The following KCNS1 variants were observed in gnomAD, a reference collection of about 807,000 sequenced individuals.
KCNS1 encodes the protein potassium voltage-gated channel modifier subfamily S member 1.
KCNS1 carries 26 observed loss-of-function variants against 33.1 expected under a neutral mutation model. The ratio of observed to expected loss-of-function variants is 0.79; its 90% CI spans 0.58 to 1.09. The LOEUF (loss-of-function observed/expected upper bound fraction) is 1.09, where lower values mean the gene tolerates loss of function less well. KCNS1 is among the 50% of genes least tolerant of loss of function. The pLI, the probability that KCNS1 is intolerant of heterozygous loss-of-function variation, is 0.00. For synonymous variants in KCNS1, 299 were observed against 338.8 expected (o/e 0.88, Z 1.29); for missense variants, 702 against 752.4 (o/e 0.93, Z 0.78).
chr20:45,092,406 T>C lies in KCNS1; in HGVS notation c.*2464A>G, dbSNP rs1487348699. ...GCCAGGACCACAAACAGCCTCATGG[T>C]AGGCTCAGGCCAGATGATTCCCTCT... On this transcript the variant is annotated 3_prime_UTR_variant, in exon 4 of 4. Coordinates refer to ENST00000537075, the MANE Select transcript of KCNS1 (RefSeq NM_001322799.2). The C allele has an allele frequency of 6.6e-6, 1 of 152,240 alleles. No homozygotes were observed. Among genetic ancestry groups the C allele is most frequent in the African/African-American group, 2.4e-5 (1 of 41,442 alleles). 9.4% of individuals were successfully genotyped at this position (152,240 alleles called of 1,614,324 possible).
In KCNS1 at chr20:45,094,593, A is replaced by G; in HGVS notation, c.*277T>C. 2.6e-6 allele frequency: 1 copy of G among 383,176 alleles called. No homozygotes were observed. The highest frequency in any genetic ancestry group is 4.8e-5 in the East Asian group (1 of 20,778). 23.7% of individuals were successfully genotyped at this position (383,176 alleles called of 1,614,324 possible). A position where few individuals can be genotyped will look rare whatever the true frequency, so the allele number is the denominator to read the frequency against. ...GTTCATGTACAGGAGGTGCTCAGGA[A>G]TCATTAGTATCCTTTCAACTTCCTC... is the stretch of plus-strand genomic sequence containing the variant. On this transcript the variant is annotated 3_prime_UTR_variant, in exon 4 of 4. Coordinates refer to ENST00000537075, the MANE Select transcript of KCNS1 (RefSeq NM_001322799.2).
chr20:45,095,898 G>A (rs563286866), intron 3 of KCNS1, among the ~76,000 whole-genome samples: 20 of 124,676 alleles, frequency 1.6e-4, no homozygotes, highest in South Asian at 2.8e-4. Flanking sequence ...CCACCTCCCC[G>A]CCTCCACCCC....
At chr20:45,096,521 C>A (rs1214433755) in intron 3 of KCNS1, among the ~76,000 whole-genome samples, 2 of 152,176 alleles carry the variant, frequency 1.3e-5, no homozygotes, top group East Asian at 3.8e-4. Context: ...ATCCTGAGGG[C>A]ATACAAGAGG....
Position 45,098,734 on chromosome 20 carries a change from C to T in KCNS1, c.77-39G>A, listed in dbSNP as rs775018492. ...AAGGGCGCGCTGAGGAGTTCCCGGG[C>T]TTCCCTTCCTGGAAGACCAGGTTAA... On this transcript the variant is annotated intron_variant, in intron 2 of 3. Coordinates refer to ENST00000537075, the MANE Select transcript of KCNS1 (RefSeq NM_001322799.2). The surrounding 1 kb of genome is among the most constrained non-coding windows in gnomAD (Gnocchi z 5.2). The T allele has an allele frequency of 1.5e-6, 2 of 1,333,530 alleles. No homozygotes were observed. Among genetic ancestry groups the T allele is most frequent in the South Asian group, 2.1e-5 (1 of 47,926 alleles). The allele number at this position is 1,333,530 out of a possible 1,614,324, so 82.6% of individuals were successfully genotyped here. A position where few individuals can be genotyped will look rare whatever the true frequency, so the allele number is the denominator to read the frequency against.
At chr20:45,097,566 T>C in intron 3 of KCNS1, 96 bp downstream of exon 3, 1 of 1,261,388 alleles carries the variant, frequency 7.9e-7, no homozygotes, top group East Asian at 2.5e-5. Flanking sequence ...AGTTGAACGT[T>C]AAGCCTGGAC....
rs1465080161 is a variant in KCNS1 at position 45,094,826 on chromosome 20, A to G, written c.*44T>C. 2 of 1,451,408 alleles carry G rather than the reference A, an allele frequency of 1.4e-6. No individual in the cohort carries two copies. The highest frequency in any genetic ancestry group is 9.5e-7 in the Non-Finnish European group (1 of 1,056,038). 89.9% of individuals were successfully genotyped at this position (1,451,408 alleles called of 1,614,324 possible). On this transcript the variant is annotated 3_prime_UTR_variant, in exon 4 of 4. Transcript: ENST00000537075. The stretch of plus-strand genomic sequence containing the variant: ...CATGAAGAACTTTAGCAGGGGAGGA[A>G]TCTCTACTGTAGGGGCATGGCAGGG...
Position 45,098,170 on chromosome 20 carries a change from C to G in KCNS1, c.602G>C (p.Arg201Pro). Residue 201 changes from arginine (R) to proline (P), a missense_variant, in exon 3 of 4, where the codon CGC becomes CCC. Physicochemically the swap from Arg to Pro is moderately radical, Grantham distance 103. Coordinates refer to ENST00000537075, the MANE Select transcript of KCNS1 (RefSeq NM_001322799.2). The surrounding 1 kb of genome is among the most constrained non-coding windows in gnomAD (Gnocchi z 5.2). ...LARYGAARCG[R>P]LRRRLWLTME... ...GGTCAGCCAGAGGCGGCGGCGCAGG[C>G]GGCCACAGCGCGCCGCGCCATAGCG... The G allele has an allele frequency of 6.2e-7, 1 of 1,600,620 alleles. No individual in the cohort carries two copies. Among genetic ancestry groups the G allele is most frequent in the Non-Finnish European group, 8.5e-7 (1 of 1,175,006 alleles).
Position 45,098,417 on chromosome 20 carries a change from G to A in KCNS1, c.355C>T (p.Arg119Cys). ...GFFLSLLHFY[R>C]TGHLHVLDEL... ...TCGAGCACGTGCAGGTGGCCAGTGC[G>A]GTAGAAGTGCAGCAGGCTCAGGAAG... The change falls in exon 3 of 4, where the codon CGC (arginine) becomes TGC (cysteine). Residue 119 changes from arginine to cysteine, a missense_variant. Arg to Cys is a radical substitution (Grantham distance 180, BLOSUM62 -3). This residue lies in a region of KCNS1 where 374 missense variants were observed against 352.3 expected (regional missense o/e 1.06). Transcript: ENST00000537075. This position sits in a 1 kb window ranked among gnomAD's most constrained non-coding sequence, Gnocchi z 5.2. 10 of 1,596,936 alleles carry A rather than the reference G, an allele frequency of 6.3e-6. No homozygotes were observed. Among genetic ancestry groups the A allele is most frequent in the Non-Finnish European group, 8.5e-6 (10 of 1,172,346 alleles).
Position 45,095,015 on chromosome 20 carries a change from T to A in KCNS1, c.1436A>T (p.His479Leu). 6.2e-7 allele frequency: 1 copy of A among 1,613,756 alleles called. No individual in the cohort carries two copies. Among genetic ancestry groups the A allele is most frequent in the Non-Finnish European group, 8.5e-7 (1 of 1,179,948 alleles). ...ALEAAVRNSN[H>L]QEFEDLLSSI... Reference sequence around the variant, plus strand: ...GCTCAGCAAGTCCTCAAACTCTTGGTGGTTGCTGTTGCGCACGGCTGCCTC... The same window carrying A: ...GCTCAGCAAGTCCTCAAACTCTTGGAGGTTGCTGTTGCGCACGGCTGCCTC... The change falls in exon 4 of 4, where the codon CAC becomes CTC. Residue 479 changes from histidine to leucine, a missense_variant. Physicochemically the swap from His to Leu is moderately conservative, Grantham distance 99. Around this residue, in one of 3 missense-constraint regions of KCNS1, gnomAD observed 75 missense variants for 72.7 expected, o/e 1.03. Coordinates refer to ENST00000537075, the MANE Select transcript of KCNS1 (RefSeq NM_001322799.2).
chr20:45,096,315 A>G (rs1473274033), intron 3 of KCNS1, among the ~76,000 whole-genome samples: 1 of 152,166 alleles, frequency 6.6e-6, no homozygotes, highest in Non-Finnish European at 1.5e-5. Context: ...TCTGATTAGT[A>G]ATACTCTTCT....
At chr20:45,099,418 C>T (rs1981325173) in intron 1 of KCNS1, among the ~76,000 whole-genome samples, 179 bp from the exon 2 acceptor site, 1 of 152,204 alleles carries the variant, frequency 6.6e-6, no homozygotes, top group Non-Finnish European at 1.5e-5. Context: ...TCAGCCAGAC[C>T]TGACCTTGAA....
chr20:45,098,322 C>A lies in KCNS1; in HGVS notation c.450G>T (p.Ala150=), dbSNP rs1981273970. 3 of 1,571,408 alleles carry A rather than the reference C, an allele frequency of 1.9e-6. No homozygotes were observed. The highest frequency in any genetic ancestry group is 2.6e-6 in the Non-Finnish European group (3 of 1,160,238). The stretch of plus-strand genomic sequence containing the variant: ...TCTCCAGGTAGCGCGCGCGGCAGCA[C>A]GCGGCAAGCGCGTTCTCGCCTAGGC... ...YWGLGENALA[A]CCRARYLERR... The change falls in exon 3 of 4, where the codon GCG becomes GCT. Residue 150 remains alanine, a synonymous_variant. Transcript: ENST00000537075. The surrounding 1 kb of genome is among the most constrained non-coding windows in gnomAD (Gnocchi z 5.2).
Position 45,098,310 on chromosome 20 carries a change from C to T in KCNS1, c.462G>A (p.Ala154=). 1.3e-6 allele frequency: 2 copies of T among 1,575,636 alleles called. No homozygotes were observed. Among genetic ancestry groups the T allele is most frequent in the Non-Finnish European group, 1.7e-6 (2 of 1,162,878 alleles). Residue 154 remains alanine (A), a synonymous_variant, in exon 3 of 4, where the codon GCG becomes GCA. Transcript: ENST00000537075. This position sits in a 1 kb window ranked among gnomAD's most constrained non-coding sequence, Gnocchi z 5.2. ...GGGTCAGCCGCCTCTCCAGGTAGCG[C>T]GCGCGGCAGCACGCGGCAAGCGCGT... ...GENALAACCR[A]RYLERRLTQP...
chr20:45,095,574 C>G (rs1981158941), intron 3 of KCNS1, among the ~76,000 whole-genome samples: 1 of 152,212 alleles, frequency 6.6e-6, no homozygotes, highest in Admixed American at 6.5e-5. Flanking sequence ...AAGGTATCTG[C>G]TAGGCTACAG....
Position 45,098,708 on chromosome 20 carries a change from G to T in KCNS1, c.77-13C>A. 7.2e-7 allele frequency: 1 copy of T among 1,388,518 alleles called. No individual in the cohort carries two copies. The highest frequency in any genetic ancestry group is 1.8e-5 in the South Asian group (1 of 55,468). The allele number at this position is 1,388,518 out of a possible 1,614,324, so 86.0% of individuals were successfully genotyped here. A position where few individuals can be genotyped will look rare whatever the true frequency, so the allele number is the denominator to read the frequency against. On this transcript the variant is annotated splice_polypyrimidine_tract_variant and intron_variant, in intron 2 of 3. Coordinates refer to ENST00000537075, the MANE Select transcript of KCNS1 (RefSeq NM_001322799.2). The surrounding 1 kb of genome is among the most constrained non-coding windows in gnomAD (Gnocchi z 5.2). ...TCAGTGCTCCTCCCTGCGGACACCA[G>T]AAGGGCGCGCTGAGGAGTTCCCGGG...
rs764337507 is a variant in KCNS1, at chr20:45,097,781, C to T, written c.991G>A (p.Gly331Ser). The T allele has an allele frequency of 2.5e-6, 4 of 1,613,356 alleles. No homozygotes were observed. The highest frequency in any genetic ancestry group is 3.3e-5 in the Admixed American group (2 of 60,014). The change falls in exon 3 of 4, where the codon GGC becomes AGC. Residue 331 changes from glycine to serine, a missense_variant. Transcript: ENST00000537075. Reference protein sequence around the residue: ...LAGVALGDQGGKEFGHLGKVV... With the variant: ...LAGVALGDQGSKEFGHLGKVV... ...TTGCCCAGGTGGCCGAACTCCTTGC[C>T]GCCCTGGTCGCCCAGTGCCACACCA...
In KCNS1 at chr20:45,095,085, T is replaced by A. The variant is rs758232581; in HGVS notation, c.1366A>T (p.Ile456Phe). The A allele has an allele frequency of 6.2e-7, 1 of 1,613,942 alleles. No individual in the cohort carries two copies. The highest frequency in any genetic ancestry group is 8.5e-7 in the Non-Finnish European group (1 of 1,180,010). The part of the protein sequence containing the change: ...ILVVALPITI[I>F]FNKFSHFYRR... ...TAGAAGTGGGAGAACTTGTTGAAGA[T>A]GATGGTGATGGGGAGTGCTACCACC... Residue 456 changes from isoleucine (I) to phenylalanine (F), a missense_variant, in exon 4 of 4, where the codon ATC becomes TTC. This residue lies in a region of KCNS1 where 253 missense variants were observed against 327.4 expected (regional missense o/e 0.77). Coordinates refer to ENST00000537075, the MANE Select transcript of KCNS1 (RefSeq NM_001322799.2).
At chr20:45,099,352 GC>G (rs1981323314) in intron 1 of KCNS1, 113 bp from the exon 2 acceptor site, 2 of 675,404 alleles carry the variant, frequency 3.0e-6, no homozygotes, top group Non-Finnish European at 5.4e-6. Flanking sequence ...AAGTGATTCG[GC>G]TACATAGTCA....
intron 3 of KCNS1, among the ~76,000 whole-genome samples, chr20:45,097,109 G>A (rs773780503): frequency 1.7e-4 from 26 of 152,318 alleles, no homozygotes; most frequent in Middle Eastern, 3.4e-3. Context: ...CTTCATCTAC[G>A]GGAAGAGAAT....
Sources: gnomAD v4.1 joint callset for allele counts (sites outside exome capture counted in the v4.1 genomes callset) on GRCh38, gnomAD v4.1.1 for gene constraint, gnomAD v4.1.1 regional missense constraint, Gnocchi (gnomAD v3.1) non-coding constraint, MANE v1.5 for transcripts, NCBI Gene and HGNC (gene_info 2026-07-23, HGNC 2026-07-21) for gene names.